The following PIBF1 variants were observed in gnomAD, a reference collection of about 807,000 sequenced individuals.
PIBF1 encodes the protein progesterone-induced-blocking factor 1.
In PIBF1, 90 loss-of-function variants were observed where a neutral mutation model predicts 112.5. That is an observed-to-expected ratio of 0.80 (90% CI 0.67 to 0.95). The LOEUF (loss-of-function observed/expected upper bound fraction) is 0.95. Ranked by LOEUF, PIBF1 falls within the 40% of genes least tolerant of loss-of-function variation. The probability of loss-of-function intolerance (pLI) is 0.00; values close to 1 mark genes in which losing one functional copy is unlikely to be tolerated. For missense variants in PIBF1, 915 were observed against 852.3 expected, an observed-to-expected ratio of 1.07 and a Z score of -0.92; for synonymous variants, 301 against 288.6, an observed-to-expected ratio of 1.04 and a Z score of -0.44.
chr13:72,825,964 C>A (rs2036791672), intron 6 of PIBF1, among the ~76,000 whole-genome samples: 1 of 149,188 alleles, frequency 6.7e-6, no homozygotes, highest in South Asian at 2.1e-4. Flanking sequence ...AACTCTCTGG[C>A]AGGCTGAGGC....
At position 73,001,582 on chromosome 13, in the gene PIBF1, C is replaced by CTTTTTTTTTTTTTTTTTTTTTTTT. The variant is rs10645002; in HGVS notation, c.2223+2605_2223+2606insTTTTTTTTTTTTTTTTTTTTTTTT. Among the ~76,000 whole-genome samples, 14 of 29,172 alleles carry CTTTTTTTTTTTTTTTTTTTTTTTT rather than the reference C, an allele frequency of 4.8e-4. 5 individuals carry two copies. The highest frequency in any genetic ancestry group is 1.6e-3 in the East Asian group (1 of 642). The allele number at this position is 29,172 out of a possible 152,430, so 19.1% of individuals were successfully genotyped here. ...CAGAGGAGGAGAAATAAGAGCTTGA[C>CTTTTTTTTTTTTTTTTTTTTTTTT]TTTTTTTTTTTTTTTTTTGACACTT... On this transcript the variant is annotated intron_variant, in intron 17 of 17. Coordinates refer to ENST00000326291, the MANE Select transcript of PIBF1 (RefSeq NM_006346.4).
chr13:72,935,113 G>T (rs1021639827), intron 14 of PIBF1, among the ~76,000 whole-genome samples: 3 of 152,108 alleles, frequency 2.0e-5, no homozygotes, highest in Non-Finnish European at 4.4e-5. Context: ...AGCCTCCCAA[G>T]TAGCTGGGAC....
chr13:72,833,427 T>C (rs548319637), intron 8 of PIBF1, among the ~76,000 whole-genome samples: 8 of 152,350 alleles, frequency 5.3e-5, no homozygotes, highest in Non-Finnish European at 1.2e-4. Flanking sequence ...TGGTCTTTGA[T>C]GTTGGTGACC....
rs371757428 is a variant in PIBF1, at chr13:72,973,572, CTG to C, written c.1965-18_1965-17del. 1.1e-4 allele frequency: 147 copies of C among 1,344,746 alleles called. 2 individuals carry two copies. Among genetic ancestry groups the C allele is most frequent in the East Asian group, 7.8e-4 (33 of 42,204 alleles). The allele number at this position is 1,344,746 out of a possible 1,614,324, so 83.3% of individuals were successfully genotyped here. A position where few individuals can be genotyped will look rare whatever the true frequency, so the allele number is the denominator to read the frequency against. On this transcript the variant is annotated splice_polypyrimidine_tract_variant and intron_variant, in intron 15 of 17. Coordinates refer to ENST00000326291, the MANE Select transcript of PIBF1 (RefSeq NM_006346.4). ...ATACTAACATAATGACTTTTTAAAA[CTG>C]GGGTTTTTTTTTTCAGCAACTTAAA...
At chr13:72,809,684 G>A (rs2035914334) in intron 5 of PIBF1, among the ~76,000 whole-genome samples, 2 of 150,198 alleles carry the variant, frequency 1.3e-5, no homozygotes, top group Non-Finnish European at 3.0e-5. Flanking sequence ...CTGCCTCCTG[G>A]GTTCAAGCAA....
At chr13:72,917,544 T>C (rs2041145449) in intron 13 of PIBF1, among the ~76,000 whole-genome samples, 1 of 152,070 alleles carries the variant, frequency 6.6e-6, no homozygotes, top group African/African-American at 2.4e-5. Flanking sequence ...ACATACATGT[T>C]AGGGAGAGTG....
intron 14 of PIBF1, among the ~76,000 whole-genome samples, chr13:72,957,985 T>A (rs1005268565): frequency 1.3e-5 from 2 of 151,212 alleles, no homozygotes; most frequent in Non-Finnish European, 2.9e-5. Context: ...AAAAAAACAA[T>A]TAGCCAGTTG....
rs28671398 is a variant in PIBF1 at position 72,854,343 on chromosome 13, A to G, written c.1322+188A>G. ...TTTCATTTCAATAATTTTCATTGCA[A>G]TTGCTTTATTTTTACAATATACAAT... On this transcript the variant is annotated intron_variant, in intron 10 of 17. Transcript: ENST00000326291. 2.0e-3 allele frequency among the ~76,000 whole-genome samples: 298 copies of G among 151,980 alleles called. 1 individual carries two copies. The highest frequency in any genetic ancestry group is 3.0e-3 in the Non-Finnish European group (201 of 67,902).
At chr13:72,967,559 TA>T (rs2042775289) in intron 15 of PIBF1, among the ~76,000 whole-genome samples, 1 of 152,180 alleles carries the variant, frequency 6.6e-6, no homozygotes. Flanking sequence ...TCCTAACCAT[TA>T]GGTTATACTG....
chr13:72,898,375 CAG>C (rs2040359272), intron 11 of PIBF1, among the ~76,000 whole-genome samples: 2 of 151,416 alleles, frequency 1.3e-5, no homozygotes, highest in African/African-American at 4.8e-5. Context: ...AGAGCACAAA[CAG>C]ACAATCTAAG....
chr13:72,877,734 C>CT (rs947509982), intron 10 of PIBF1, among the ~76,000 whole-genome samples: 5 of 148,432 alleles, frequency 3.4e-5, no homozygotes, highest in Non-Finnish European at 6.0e-5. Flanking sequence ...TGTTTCATTT[C>CT]TTTTTTTTCT....
chr13:72,897,445 A>G (rs2040323566), intron 11 of PIBF1, among the ~76,000 whole-genome samples: 1 of 152,242 alleles, frequency 6.6e-6, no homozygotes, highest in South Asian at 2.1e-4. Context: ...AAGCATGATG[A>G]ATGCAATGGT....
intron 10 of PIBF1, among the ~76,000 whole-genome samples, chr13:72,871,957 C>T (rs9543152): frequency 0.1 from 15,604 of 152,134 alleles, 1,092 homozygotes; most frequent in Non-Finnish European, 0.15. Flanking sequence ...CCCTGTATCA[C>T]CACTAACAGA....
intron 14 of PIBF1, among the ~76,000 whole-genome samples, chr13:72,954,059 G>A (rs1431729217): frequency 6.6e-6 from 1 of 152,142 alleles, no homozygotes; most frequent in Admixed American, 6.5e-5. Flanking sequence ...TCTGGCCACT[G>A]GGGTAATGTT....
chr13:72,981,138 G>A (rs1035086969), intron 16 of PIBF1, among the ~76,000 whole-genome samples: 2 of 151,706 alleles, frequency 1.3e-5, no homozygotes, highest in African/African-American at 4.8e-5. Context: ...CCAGCTACTC[G>A]GGAGCCTGCG....
intron 17 of PIBF1, among the ~76,000 whole-genome samples, chr13:73,009,948 T>C (rs1276130266): frequency 6.6e-6 from 1 of 152,198 alleles, no homozygotes; most frequent in Admixed American, 6.5e-5. Flanking sequence ...AGATTCCTTT[T>C]TAATGCCAAA....
intron 10 of PIBF1, among the ~76,000 whole-genome samples, chr13:72,867,652 A>G (rs1012032266): frequency 1.3e-5 from 2 of 152,194 alleles, no homozygotes; most frequent in Non-Finnish European, 2.9e-5. Context: ...AATTGTTAGC[A>G]ACTCATTCAA....
At chr13:72,791,116 A>G (rs1000774034) in intron 2 of PIBF1, among the ~76,000 whole-genome samples, 12 of 151,998 alleles carry the variant, frequency 7.9e-5, no homozygotes, top group East Asian at 1.9e-4. Context: ...GTGCAGTGGC[A>G]TGATCTCAGC....
chr13:72,919,310 T>C (rs1367563621), intron 13 of PIBF1, among the ~76,000 whole-genome samples: 1 of 152,204 alleles, frequency 6.6e-6, no homozygotes, highest in Admixed American at 6.6e-5. Context: ...CTCTTACCAG[T>C]TAAACTAAAT....
Sources: allele counts gnomAD v4.1 joint callset (sites outside exome capture counted in the v4.1 genomes callset), GRCh38; gene constraint gnomAD v4.1.1; transcripts MANE v1.5; gene names NCBI Gene and HGNC (gene_info 2026-07-23, HGNC 2026-07-21).